The following FSIP1 variants were observed in gnomAD, a reference collection of about 807,000 sequenced individuals.
FSIP1 encodes the protein fibrous sheath interacting protein 1.
Under a neutral mutation model 60.9 loss-of-function variants are expected in FSIP1, and 65 were observed. The ratio of observed to expected loss-of-function variants is 1.07; its 90% CI spans 0.87 to 1.31. The LOEUF (loss-of-function observed/expected upper bound fraction) is 1.31. FSIP1 is among the 40% of genes most tolerant of loss of function. The pLI, the probability that FSIP1 is intolerant of heterozygous loss-of-function variation, is 0.00. For synonymous variants in FSIP1, 209 were observed against 221.2 expected, an observed-to-expected ratio of 0.94 and a Z score of 0.49; for missense variants, 675 against 665.5, an observed-to-expected ratio of 1.01 and a Z score of -0.16.
intron 10 of FSIP1, among the ~76,000 whole-genome samples, chr15:39,628,513 C>T (rs918450809): frequency 2.6e-5 from 4 of 152,096 alleles, no homozygotes; most frequent in Non-Finnish European, 4.4e-5. Flanking sequence ...AAATGAGGTG[C>T]GAGGTGAGCC....
chr15:39,761,613 T>C (rs1027795628), intron 5 of FSIP1, among the ~76,000 whole-genome samples: 1 of 152,162 alleles, frequency 6.6e-6, no homozygotes, highest in Non-Finnish European at 1.5e-5. Context: ...AAAGTCTCAG[T>C]TAGACAGGAA....
chr15:39,743,073 C>T (rs1205903599), intron 5 of FSIP1, among the ~76,000 whole-genome samples: 1 of 152,214 alleles, frequency 6.6e-6, no homozygotes, highest in Admixed American at 6.5e-5. Flanking sequence ...GTTTAAGTTA[C>T]ATTTACATCA....
At chr15:39,690,066 A>AG (rs1665684813) in intron 10 of FSIP1, among the ~76,000 whole-genome samples, 1 of 152,218 alleles carries the variant, frequency 6.6e-6, no homozygotes. Flanking sequence ...AGTGAAAAAC[A>AG]GGGAAGAATA....
At chr15:39,756,357 C>T (rs1036117871) in intron 5 of FSIP1, among the ~76,000 whole-genome samples, 1 of 152,066 alleles carries the variant, frequency 6.6e-6, no homozygotes, top group African/African-American at 2.4e-5. Flanking sequence ...GCCCAAAGTC[C>T]TTAAGGTTAA....
chr15:39,771,287 G>A (rs552711392), intron 2 of FSIP1, among the ~76,000 whole-genome samples: 2 of 152,298 alleles, frequency 1.3e-5, no homozygotes, highest in African/African-American at 4.8e-5. Context: ...AAGGGAGACA[G>A]GAAAGACCTT....
At chr15:39,628,866 A>G (rs1891755607) in intron 10 of FSIP1, among the ~76,000 whole-genome samples, 2 of 152,208 alleles carry the variant, frequency 1.3e-5, no homozygotes, top group Admixed American at 1.3e-4. Flanking sequence ...ACTCCAAACA[A>G]CTAGTTGGGA....
At chr15:39,757,706 A>G (rs1002340010) in intron 5 of FSIP1, among the ~76,000 whole-genome samples, 9 of 152,144 alleles carry the variant, frequency 5.9e-5, no homozygotes, top group African/African-American at 1.9e-4. Flanking sequence ...AAGAACAATC[A>G]TCAAAAAAAG....
At position 39,770,566 on chromosome 15, in the gene FSIP1, G is replaced by A. The variant is rs779814699; in HGVS notation, c.171C>T (p.Ser57=). 25 of 1,587,278 alleles carry A rather than the reference G, an allele frequency of 1.6e-5. No individual in the cohort carries two copies. The Admixed American group carries it at 2.4e-4, about 15-fold the overall frequency. ...SNLNSGKEDH[S]ESSNTENRRT... The stretch of plus-strand genomic sequence containing the variant: ...TTCTGTTCTCTGTATTACTGCTTTC[G>A]GAGTGGTCCTCTTTACCAGAGTTCA... The change falls in exon 3 of 12, where the codon TCC becomes TCT. Residue 57 remains serine, a synonymous_variant. Coordinates refer to ENST00000350221, the MANE Select transcript of FSIP1 (RefSeq NM_152597.5).
chr15:39,676,932 A>G (rs914584734), intron 10 of FSIP1, among the ~76,000 whole-genome samples: 7 of 152,224 alleles, frequency 4.6e-5, no homozygotes, highest in Admixed American at 1.3e-4. Context: ...AGAACAAAAT[A>G]GTGGTAAGAT....
chr15:39,707,156 A>G (rs116468798), intron 10 of FSIP1, among the ~76,000 whole-genome samples: 1,561 of 152,054 alleles, frequency 0.01, 22 homozygotes, highest in African/African-American at 0.036. Flanking sequence ...CCCTTGCCTC[A>G]ACTCATCAAC....
rs1046893319 is a variant in FSIP1, at chr15:39,648,064, G to T, written c.1189-29819C>A. Among the ~76,000 whole-genome samples, 8 of 151,564 alleles carry T rather than the reference G, an allele frequency of 5.3e-5. No individual in the cohort carries two copies. The East Asian group carries it at 7.8e-4, about 15-fold the overall frequency. On this transcript the variant is annotated intron_variant, in intron 10 of 11. Coordinates refer to ENST00000350221, the MANE Select transcript of FSIP1 (RefSeq NM_152597.5). ...GGATAGCATTGGGAGATATACCTAA[G>T]GCTAGATGACGAGTTAGTGGGTGCA...
Position 39,771,552 on chromosome 15 carries a change from C to T in FSIP1, c.127-942G>A, listed in dbSNP as rs547064244. Among the ~76,000 whole-genome samples the T allele has an allele frequency of 4.2e-4, 64 of 152,274 alleles. 1 individual carries two copies. The highest frequency in any genetic ancestry group is 1.1e-3 in the African/African-American group (46 of 41,540). On this transcript the variant is annotated intron_variant, in intron 2 of 11. Transcript: ENST00000350221. Reference sequence around the variant, plus strand: ...TGCCTGAGCCAGGACATAAACCCAGCGGAACTGAGCTGACTCAGTGGTAAT... The same window carrying T: ...TGCCTGAGCCAGGACATAAACCCAGTGGAACTGAGCTGACTCAGTGGTAAT...
In FSIP1 at chr15:39,726,842, TACACACACAAAC is replaced by T. The variant is rs1006974533; in HGVS notation, c.892-107_892-96del. 38 of 760,632 alleles carry T rather than the reference TACACACACAAAC, an allele frequency of 5.0e-5. No homozygotes were observed. In the African/African-American group the frequency reaches 6.6e-4, roughly 13 times the overall value. 47.1% of individuals were successfully genotyped at this position (760,632 alleles called of 1,614,324 possible). A position where few individuals can be genotyped will look rare whatever the true frequency, so the allele number is the denominator to read the frequency against. On this transcript the variant is annotated intron_variant, in intron 8 of 11. Coordinates refer to ENST00000350221, the MANE Select transcript of FSIP1 (RefSeq NM_152597.5). The stretch of plus-strand genomic sequence containing the variant: ...CTATAACAGTGCCCAGGTCTTCACA[TACACACACAAAC>T]ACACACACACACACACACAACACAC...
intron 10 of FSIP1, among the ~76,000 whole-genome samples, chr15:39,691,825 G>A (rs900987426): frequency 1.3e-5 from 2 of 152,190 alleles, no homozygotes; most frequent in Non-Finnish European, 2.9e-5. Context: ...ACAGTCATCA[G>A]TCTATCTTCT....
intron 10 of FSIP1, among the ~76,000 whole-genome samples, chr15:39,710,823 T>C (rs765869388): frequency 1.6e-4 from 24 of 152,250 alleles, no homozygotes; most frequent in Non-Finnish European, 3.4e-4. Context: ...CATGGAGCAG[T>C]TGCAATGATT....
At chr15:39,705,677 T>C (rs1895234479) in intron 10 of FSIP1, among the ~76,000 whole-genome samples, 1 of 152,166 alleles carries the variant, frequency 6.6e-6, no homozygotes, top group Non-Finnish European at 1.5e-5. Context: ...TTTATTTTTA[T>C]GTTTCGTATC....
downstream of FSIP1, chr15:39,599,466 T>G (rs562762943): frequency 6.6e-6 from 1 of 152,296 alleles, no homozygotes; most frequent in East Asian, 1.9e-4. Context: ...GAAATAATTT[T>G]ACTCTGTGTT....
At chr15:39,703,686 G>C (rs1895153974) in intron 10 of FSIP1, among the ~76,000 whole-genome samples, 2 of 152,116 alleles carry the variant, frequency 1.3e-5, no homozygotes, top group Non-Finnish European at 2.9e-5. Flanking sequence ...CATGGCACAT[G>C]TATACCTATG....
intron 10 of FSIP1, among the ~76,000 whole-genome samples, chr15:39,645,965 G>C (rs1391674358): frequency 6.6e-6 from 1 of 152,242 alleles, no homozygotes; most frequent in African/African-American, 2.4e-5. Flanking sequence ...TGCCAGTCCT[G>C]TGGACGGGAG....
Sources: gnomAD v4.1 joint callset for allele counts (sites outside exome capture counted in the v4.1 genomes callset) on GRCh38, gnomAD v4.1.1 for gene constraint, MANE v1.5 for transcripts, NCBI Gene and HGNC (gene_info 2026-07-23, HGNC 2026-07-21) for gene names.